CDK19: variants seen among roughly 807,000 people sequenced by gnomAD.
CDK19 encodes the protein cyclin-dependent kinase 19.
Under a neutral mutation model 68.3 loss-of-function variants are expected in CDK19, and 20 were observed. That is an observed-to-expected ratio of 0.29 (90% CI 0.21 to 0.43). CDK19 has a LOEUF of 0.43. CDK19 is among the 20% of genes least tolerant of loss of function. The probability of loss-of-function intolerance (pLI) is 1.00; values close to 1 mark genes in which losing one functional copy is unlikely to be tolerated. For missense variants in CDK19, 339 were observed against 623.5 expected (o/e 0.54, Z 4.86); for synonymous variants, 221 against 222.8 (o/e 0.99, Z 0.07).
intron 12 of CDK19, among the ~76,000 whole-genome samples, chr6:110,617,585 A>C (rs1280666798): frequency 6.6e-6 from 1 of 151,682 alleles, no homozygotes; most frequent in African/African-American, 2.4e-5. Flanking sequence ...GGAGTTTGAG[A>C]CCAGCCTGAC....
intron 1 of CDK19, among the ~76,000 whole-genome samples, chr6:110,805,111 CTCTTT>C (rs1782592381): frequency 6.6e-6 from 1 of 152,160 alleles, no homozygotes; most frequent in Non-Finnish European, 1.5e-5. Context: ...TCGTGAGACT[CTCTTT>C]TATCCTGTAC....
intron 1 of CDK19, among the ~76,000 whole-genome samples, chr6:110,780,591 A>AT (rs1482485607): frequency 2.0e-5 from 3 of 151,946 alleles, no homozygotes; most frequent in Admixed American, 6.6e-5. Context: ...AAACAAACCT[A>AT]TTTTTTTCAG....
chr6:110,776,197 G>A (rs1780382009), intron 1 of CDK19, among the ~76,000 whole-genome samples: 2 of 152,158 alleles, frequency 1.3e-5, no homozygotes, highest in African/African-American at 4.8e-5. Context: ...GCGAGACTGA[G>A]GCAGGTGGAT....
intron 1 of CDK19, among the ~76,000 whole-genome samples, chr6:110,760,725 C>T (rs1445394101): frequency 6.6e-6 from 1 of 152,182 alleles, no homozygotes; most frequent in African/African-American, 2.4e-5. Flanking sequence ...GAGACCTTGT[C>T]TCAAAGCATA....
intron 4 of CDK19, among the ~76,000 whole-genome samples, chr6:110,663,430 C>T (rs1364789148): frequency 6.6e-6 from 1 of 152,186 alleles, no homozygotes; most frequent in Non-Finnish European, 1.5e-5. Context: ...CCTGAAAGTA[C>T]TTTGGCAAAA....
intron 1 of CDK19, among the ~76,000 whole-genome samples, chr6:110,756,650 CAT>C (rs112164908): frequency 0.021 from 3,246 of 151,800 alleles, 98 homozygotes; most frequent in African/African-American, 0.073. Flanking sequence ...TATGTGTGCA[CAT>C]GTTTGTGTAT....
intron 1 of CDK19, among the ~76,000 whole-genome samples, chr6:110,791,137 C>T (rs1332398537): frequency 6.6e-6 from 1 of 151,000 alleles, no homozygotes; most frequent in Non-Finnish European, 1.5e-5. Context: ...CACCACTGCA[C>T]TCCAGCCTGG....
chr6:110,750,452 T>C (rs939155304), intron 1 of CDK19, among the ~76,000 whole-genome samples: 10 of 152,100 alleles, frequency 6.6e-5, no homozygotes, highest in African/African-American at 1.9e-4. Context: ...AAAGGAGGAA[T>C]TGATGGGACC....
intron 1 of CDK19, among the ~76,000 whole-genome samples, chr6:110,788,321 C>A (rs1339457596): frequency 6.6e-6 from 1 of 151,826 alleles, no homozygotes; most frequent in Non-Finnish European, 1.5e-5. Context: ...CATCACCATG[C>A]CTGGCTAATT....
chr6:110,656,625 T>A (rs1173439273), intron 4 of CDK19, among the ~76,000 whole-genome samples: 1 of 152,238 alleles, frequency 6.6e-6, no homozygotes, highest in Non-Finnish European at 1.5e-5. Context: ...ATATAACACC[T>A]ATGTTAATCA....
chr6:110,615,974 A>G (rs1778288432), intron 12 of CDK19, among the ~76,000 whole-genome samples: 1 of 152,086 alleles, frequency 6.6e-6, no homozygotes. Flanking sequence ...CAGCACAGGA[A>G]GACCATTTTT....
In CDK19 at chr6:110,668,508, A is replaced by C. The variant is rs184382232; in HGVS notation, c.316-934T>G. Among the ~76,000 whole-genome samples, 18 of 152,302 alleles carry C rather than the reference A, an allele frequency of 1.2e-4. No homozygotes were observed. The East Asian group carries it at 3.3e-3, about 28-fold the overall frequency. ...TTCCAGTAGAAATATACTGGGAGCC[A>C]CATGTATAACTTTCCACTTTTTAAC... is the stretch of plus-strand genomic sequence containing the variant. On this transcript the variant is annotated intron_variant, in intron 3 of 12. Coordinates refer to ENST00000368911, the MANE Select transcript of CDK19 (RefSeq NM_015076.5).
chr6:110,804,121 G>C, intron 1 of CDK19, among the ~76,000 whole-genome samples: 1 of 152,048 alleles, frequency 6.6e-6, no homozygotes, highest in East Asian at 1.9e-4. Flanking sequence ...GCCATGAATA[G>C]GTTTTGTTCT....
chr6:110,760,170 C>G (rs1055490519), intron 1 of CDK19, among the ~76,000 whole-genome samples: 1 of 151,898 alleles, frequency 6.6e-6, no homozygotes, highest in African/African-American at 2.4e-5. Flanking sequence ...CCGAGGCAGG[C>G]AGATCACTTG....
intron 1 of CDK19, among the ~76,000 whole-genome samples, chr6:110,797,258 T>C (rs35406072): frequency 0.033 from 4,963 of 151,838 alleles, 119 homozygotes; most frequent in Non-Finnish European, 0.052. Context: ...GAGAATCACT[T>C]GAACCTGGGA....
At chr6:110,625,983 C>T (rs2114661906) in intron 8 of CDK19, among the ~76,000 whole-genome samples, 1 of 152,282 alleles carries the variant, frequency 6.6e-6, no homozygotes, top group Non-Finnish European at 1.5e-5. Context: ...CACCCTTAAT[C>T]TCATTTCTGC....
At chr6:110,732,970 G>A (rs2114805616) in intron 2 of CDK19, among the ~76,000 whole-genome samples, 1 of 152,236 alleles carries the variant, frequency 6.6e-6, no homozygotes, top group South Asian at 2.1e-4. Flanking sequence ...GGGAGGCTGA[G>A]AAAGGAGAAT....
At chr6:110,773,098 G>A (rs573660195) in intron 1 of CDK19, among the ~76,000 whole-genome samples, 2 of 151,520 alleles carry the variant, frequency 1.3e-5, no homozygotes, top group Non-Finnish European at 2.9e-5. Context: ...TTACAAGTGT[G>A]TGGGATGAGA....
intron 1 of CDK19, among the ~76,000 whole-genome samples, chr6:110,778,582 ACT>A (rs1195764571): frequency 6.6e-6 from 1 of 152,204 alleles, no homozygotes; most frequent in Non-Finnish European, 1.5e-5. Flanking sequence ...CACACGTATT[ACT>A]ACTTGGGTAA....
Sources: allele counts gnomAD v4.1 joint callset (sites outside exome capture counted in the v4.1 genomes callset), GRCh38; gene constraint gnomAD v4.1.1; transcripts MANE v1.5; gene names NCBI Gene and HGNC (gene_info 2026-07-23, HGNC 2026-07-21).